Variants in ANK2 observed in about 807,000 individuals in gnomAD.
The protein encoded by ANK2 is ankyrin-2.
ANK2 carries 83 observed loss-of-function variants against 360.5 expected under a neutral mutation model. The ratio of observed to expected loss-of-function variants is 0.23; its 90% CI spans 0.19 to 0.28. The LOEUF is 0.28. ANK2 is among the 10% of genes least tolerant of loss of function. The pLI is 1.00. For missense variants in ANK2, 4,201 were observed against 4,795.7 expected (o/e 0.88, Z 3.66); for synonymous variants, 1,740 against 1,759.5 (o/e 0.99, Z 0.28).
chr4:113,194,575 T>A (rs1256395863), intron 2 of ANK2, among the ~76,000 whole-genome samples: 2 of 152,206 alleles, frequency 1.3e-5, no homozygotes, highest in African/African-American at 2.4e-5. Context: ...TTAGGATTGA[T>A]TAATGTGCAC....
intron 4 of ANK2, among the ~76,000 whole-genome samples, chr4:113,215,906 T>C (rs965544623): frequency 1.2e-4 from 19 of 152,152 alleles, no homozygotes; most frequent in African/African-American, 4.6e-4. Flanking sequence ...TTCCAGTATT[T>C]ACTTAACAAA....
intron 1 of ANK2, among the ~76,000 whole-genome samples, chr4:112,867,433 T>C (rs1361657347): frequency 6.6e-6 from 1 of 152,058 alleles, no homozygotes; most frequent in Non-Finnish European, 1.5e-5. Context: ...ATAATAAAAT[T>C]CACCACTTTA....
the ANK2 span, among the ~76,000 whole-genome samples, chr4:112,810,146 TA>T: frequency 1.4e-3 from 30 of 22,082 alleles, no homozygotes; most frequent in African/African-American, 9.5e-3. Flanking sequence ...TATATATATA[TA>T]TATATATATA....
chr4:112,865,567 A>C (rs948067483), intron 1 of ANK2, among the ~76,000 whole-genome samples: 9 of 152,234 alleles, frequency 5.9e-5, no homozygotes, highest in Admixed American at 5.9e-4. Flanking sequence ...ACTGCTTACA[A>C]AACAGTTAGG....
chr4:112,850,444 T>TG (rs2064546974), intron 1 of ANK2, among the ~76,000 whole-genome samples: 1 of 87,960 alleles, frequency 1.1e-5, no homozygotes, highest in African/African-American at 5.3e-5. Context: ...GTTGTTCGTT[T>TG]CTTTTTTTTT....
intron 1 of ANK2, among the ~76,000 whole-genome samples, chr4:113,160,791 A>C (rs1007797759): frequency 9.8e-5 from 15 of 152,342 alleles, no homozygotes; most frequent in South Asian, 2.1e-4. Flanking sequence ...CATCTAGCAC[A>C]GTGCTATGCT....
At chr4:113,311,228 C>T in intron 23 of ANK2, 27 bp from the exon 24 acceptor site, 1 of 1,613,940 alleles carries the variant, frequency 6.2e-7, no homozygotes, top group Non-Finnish European at 8.5e-7. Context: ...AAGAAATAAT[C>T]CTGCTTCTTC....
At chr4:112,991,980 A>T (rs2154279106) in intron 2 of ANK2, among the ~76,000 whole-genome samples, 1 of 151,922 alleles carries the variant, frequency 6.6e-6, no homozygotes, top group East Asian at 1.9e-4. Context: ...ACATTATTTT[A>T]CGTATTCTCT....
At chr4:112,749,294 A>G in the ANK2 span, among the ~76,000 whole-genome samples, 1 of 152,220 alleles carries the variant, frequency 6.6e-6, no homozygotes, top group South Asian at 2.1e-4. Context: ...GTTACCAGTG[A>G]TATCATTGGT....
At chr4:113,249,071 A>C (rs994734078) in intron 9 of ANK2, among the ~76,000 whole-genome samples, 1 of 152,224 alleles carries the variant, frequency 6.6e-6, no homozygotes. Context: ...AAAGTTTTAT[A>C]AGTAATATAG....
At chr4:113,360,790 A>T (rs1057074128) in intron 38 of ANK2, 33 bp from the exon 39 acceptor site, 4 of 1,600,722 alleles carry the variant, frequency 2.5e-6, no homozygotes, top group Non-Finnish European at 2.6e-6. Context: ...GTCATAGACA[A>T]CCTTTGGCCA....
chr4:113,188,624 G>T (rs2098593816), intron 2 of ANK2, among the ~76,000 whole-genome samples: 1 of 152,108 alleles, frequency 6.6e-6, no homozygotes, highest in Non-Finnish European at 1.5e-5. Context: ...TGATTATCCA[G>T]ATGACCCAGA....
intron 1 of ANK2, among the ~76,000 whole-genome samples, chr4:113,156,668 G>A (rs1419348465): frequency 6.6e-6 from 1 of 151,882 alleles, no homozygotes; most frequent in Non-Finnish European, 1.5e-5. Context: ...CAGCCTTAAT[G>A]TAGAAAAATT....
At chr4:113,068,453 T>C (rs998679375) in intron 1 of ANK2, among the ~76,000 whole-genome samples, 2 of 152,130 alleles carry the variant, frequency 1.3e-5, no homozygotes, top group South Asian at 2.1e-4. Flanking sequence ...CATACAAACT[T>C]TGGAAAATTT....
At chr4:113,352,902 T>C (rs1281656559) in intron 37 of ANK2, 143 bp from the exon 38 acceptor site, 1 of 844,634 alleles carries the variant, frequency 1.2e-6, no homozygotes, top group Admixed American at 2.5e-5. Flanking sequence ...GCCTTGTGGA[T>C]CTACCATTCC....
intron 1 of ANK2, among the ~76,000 whole-genome samples, chr4:113,061,864 G>C (rs2073582748): frequency 6.6e-6 from 1 of 152,062 alleles, no homozygotes; most frequent in African/African-American, 2.4e-5. Context: ...TAATTGGATT[G>C]TTTGTAGCAC....
chr4:112,756,452 C>A, the ANK2 span, among the ~76,000 whole-genome samples: 1 of 152,148 alleles, frequency 6.6e-6, no homozygotes, highest in Non-Finnish European at 1.5e-5. Flanking sequence ...TGCTTTATAA[C>A]CCAAAATGGC....
the ANK2 span, among the ~76,000 whole-genome samples, chr4:112,758,575 C>T: frequency 6.6e-6 from 1 of 152,066 alleles, no homozygotes; most frequent in South Asian, 2.1e-4. Context: ...CCACCAGGCC[C>T]GGCTAATTTT....
chr4:113,103,250 A>G (rs1427604806), intron 1 of ANK2, among the ~76,000 whole-genome samples: 7 of 152,174 alleles, frequency 4.6e-5, no homozygotes, highest in African/African-American at 1.4e-4. Context: ...AAATACTATG[A>G]TATGGCTGAT....
Sources: gnomAD v4.1 joint callset for allele counts (sites outside exome capture counted in the v4.1 genomes callset) on GRCh38, gnomAD v4.1.1 for gene constraint, MANE v1.5 for transcripts, NCBI Gene and HGNC (gene_info 2026-07-23, HGNC 2026-07-21) for gene names.